The following NUP214 variants were observed in gnomAD, a reference collection of about 807,000 sequenced individuals.
NUP214 encodes the protein nuclear pore complex protein Nup214.
A neutral mutation model predicts 196.2 loss-of-function variants in NUP214; 79 were observed. That is an observed-to-expected ratio of 0.40 (90% CI 0.34 to 0.49). The LOEUF is 0.49. NUP214 is among the 20% of genes least tolerant of loss of function. The pLI is 0.58. For synonymous variants in NUP214, 1,020 were observed against 990.5 expected, an observed-to-expected ratio of 1.03 and a Z score of -0.56; for missense variants, 2,468 against 2,539.0, an observed-to-expected ratio of 0.97 and a Z score of 0.60.
At chr9:131,191,578 A>G (rs1833603274) in intron 26 of NUP214, 1 of 152,194 alleles carries the variant, frequency 6.6e-6, no homozygotes, top group South Asian at 2.1e-4. Flanking sequence ...GATGGATTGC[A>G]CTTTTAACCT....
intron 10 of NUP214, 41 bp from the exon 11 acceptor site, chr9:131,140,508 A>C: frequency 6.4e-7 from 1 of 1,573,594 alleles, no homozygotes; most frequent in Non-Finnish European, 8.6e-7. Context: ...CAGGCCCTTA[A>C]ATTCACTTGG....
intron 7 of NUP214, among the ~76,000 whole-genome samples, chr9:131,134,654 AG>A (rs1368028910): frequency 2.0e-5 from 3 of 152,188 alleles, no homozygotes; most frequent in Non-Finnish European, 4.4e-5. Flanking sequence ...AGTATCAGGA[AG>A]GTTGAAAAAT....
Position 131,230,693 on chromosome 9 carries a change from C to T in NUP214, c.6138C>T (p.Phe2046=), listed in dbSNP as rs747507448. The T allele has an allele frequency of 8.7e-6, 14 of 1,613,998 alleles. No individual in the cohort carries two copies. In the East Asian group the frequency reaches 1.1e-4, roughly 13 times the overall value. ...GTLASQNAPT[F]GSLSQQTSGF... Reference sequence around the variant, plus strand: ...TCGCGAGTCAGAATGCCCCCACTTTCGGATCACTGTCCCAACAGACTTCTG... The same window carrying T: ...TCGCGAGTCAGAATGCCCCCACTTTTGGATCACTGTCCCAACAGACTTCTG... The change falls in exon 34 of 36, where the codon TTC becomes TTT. Residue 2046 remains phenylalanine, a synonymous_variant. Coordinates refer to ENST00000359428, the MANE Select transcript of NUP214 (RefSeq NM_005085.4).
Position 131,197,905 on chromosome 9 carries a change from T to C in NUP214, c.4411T>C (p.Leu1471=). 1 of 1,613,988 alleles carries C rather than the reference T, an allele frequency of 6.2e-7. No homozygotes were observed. The highest frequency in any genetic ancestry group is 1.3e-5 in the African/African-American group (1 of 75,000). ...TCCCCTTCCAACATCATTCCCCACA[T>C]TGTCATTTGGTAGCCTCCTGAGTTC... ...ATPLPTSFPT[L]SFGSLLSSAT... is the part of the protein sequence containing the mutation. The change falls in exon 29 of 36, where the codon TTG becomes CTG. Residue 1471 remains leucine (L), a synonymous_variant. Transcript: ENST00000359428.
chr9:131,147,957 C>T (rs986919142), intron 14 of NUP214, among the ~76,000 whole-genome samples: 19 of 152,284 alleles, frequency 1.2e-4, no homozygotes, highest in Middle Eastern at 3.4e-3. Context: ...GAGGCCAAGG[C>T]GGGCGGATCA....
intron 33 of NUP214, chr9:131,229,925 T>G (rs1047016066): frequency 5.4e-6 from 2 of 367,952 alleles, no homozygotes; most frequent in African/African-American, 2.1e-5. Flanking sequence ...AAACCACTGA[T>G]CCGTTTCCCT....
At chr9:131,127,801 T>C (rs1831408832) in intron 2 of NUP214, 82 bp downstream of exon 2, 2 of 1,042,340 alleles carry the variant, frequency 1.9e-6, no homozygotes, top group Admixed American at 4.3e-5. Flanking sequence ...GAAGTCATTC[T>C]AATACTAAAA....
intron 9 of NUP214, 25 bp from the exon 10 acceptor site, chr9:131,139,256 T>A: frequency 4.9e-5 from 8 of 162,508 alleles, no homozygotes; most frequent in Non-Finnish European, 8.7e-5. Context: ...CTTCTTCTTC[T>A]TTTTTTTTTT....
In NUP214 at chr9:131,143,240, C is replaced by T. The variant is rs577038666; in HGVS notation, c.1295-1040C>T. The stretch of plus-strand genomic sequence containing the variant: ...CCCAGGCTGGTCTCAAACTCCTGGA[C>T]TCAAAGGGTCCTCCTGCTTTGCCCT... On this transcript the variant is annotated intron_variant, in intron 11 of 35. Coordinates refer to ENST00000359428, the MANE Select transcript of NUP214 (RefSeq NM_005085.4). Among the ~76,000 whole-genome samples, 3 of 152,242 alleles carry T rather than the reference C, an allele frequency of 2.0e-5. No homozygotes were observed. The South Asian group carries it at 6.2e-4, about 32-fold the overall frequency.
At chr9:131,132,997 G>A in intron 6 of NUP214, 109 bp from the exon 7 acceptor site, 2 of 829,626 alleles carry the variant, frequency 2.4e-6, no homozygotes, top group East Asian at 2.5e-5. Flanking sequence ...TGAAATCAGG[G>A]CCTTTGATTT....
chr9:131,141,677 C>G (rs1375469771), intron 11 of NUP214: 1 of 151,866 alleles, frequency 6.6e-6, no homozygotes, highest in Non-Finnish European at 1.5e-5. Flanking sequence ...TAGGGTCTTA[C>G]TGTGTTGCTC....
chr9:131,216,946 T>C (rs759505591), intron 31 of NUP214, among the ~76,000 whole-genome samples: 1 of 152,158 alleles, frequency 6.6e-6, no homozygotes. Context: ...CCTGTCCTGT[T>C]TGTCTCAGCT....
chr9:131,216,034 C>A (rs1834383632), intron 31 of NUP214, among the ~76,000 whole-genome samples: 1 of 150,972 alleles, frequency 6.6e-6, no homozygotes, highest in Non-Finnish European at 1.5e-5. Context: ...TCCCAGGTAG[C>A]TGGGATTACA....
Position 131,146,432 on chromosome 9 carries a change from A to T in NUP214, c.1945+128A>T. The T allele has an allele frequency of 3.4e-6, 3 of 887,440 alleles. No homozygotes were observed. The highest frequency in any genetic ancestry group is 2.4e-5 in the East Asian group (1 of 40,836). The allele number at this position is 887,440 out of a possible 1,614,324, so 55.0% of individuals were successfully genotyped here. A position where few individuals can be genotyped will look rare whatever the true frequency, so the allele number is the denominator to read the frequency against. ...TTTCTTGCTTCCTGTATCATACATT[A>T]ATGATTAATGTGCTGTGATTTTCAT... On this transcript the variant is annotated intron_variant, in intron 13 of 35. Coordinates refer to ENST00000359428, the MANE Select transcript of NUP214 (RefSeq NM_005085.4). The surrounding 1 kb of genome is among the most constrained non-coding windows in gnomAD (Gnocchi z 4.6).
chr9:131,133,302 G>GTGTT, intron 7 of NUP214, 93 bp downstream of exon 7: 1 of 500,334 alleles, frequency 2.0e-6, no homozygotes. Flanking sequence ...TTTTGTGTTT[G>GTGTT]TGTTTTTTTT....
chr9:131,150,428 G>C lies in NUP214; in HGVS notation c.2127+18G>C, dbSNP rs1564186016. On this transcript the variant is annotated intron_variant, in intron 15 of 35. Transcript: ENST00000359428. ...GGGAGGAGGTAAATTTGTTTCCTGA[G>C]GGTGTTTTTCTGAAAGTAGCTGACA... The C allele has an allele frequency of 6.2e-7, 1 of 1,613,482 alleles. No homozygotes were observed. The highest frequency in any genetic ancestry group is 1.3e-5 in the African/African-American group (1 of 75,056).
intron 9 of NUP214, chr9:131,136,406 C>T (rs1048813883): frequency 6.2e-6 from 1 of 161,438 alleles, no homozygotes; most frequent in African/African-American, 2.4e-5. Flanking sequence ...AATGGCTTGG[C>T]TATTGCATGG....
intron 12 of NUP214, 63 bp downstream of exon 12, chr9:131,144,817 T>C: frequency 7.9e-7 from 1 of 1,269,318 alleles, no homozygotes; most frequent in Non-Finnish European, 1.1e-6. Context: ...TGTTATTTAC[T>C]AAAAGTAGAG....
At chr9:131,184,034 T>TC (rs1431229354) in intron 24 of NUP214, among the ~76,000 whole-genome samples, 22 of 139,390 alleles carry the variant, frequency 1.6e-4, no homozygotes, top group African/African-American at 5.8e-4. Flanking sequence ...TTCTTTTTTT[T>TC]TTTTTTTTTT....
Sources: allele counts gnomAD v4.1 joint callset (sites outside exome capture counted in the v4.1 genomes callset), GRCh38; gene constraint gnomAD v4.1.1; non-coding constraint Gnocchi (gnomAD v3.1); transcripts MANE v1.5; gene names NCBI Gene and HGNC (gene_info 2026-07-23, HGNC 2026-07-21).